CBR4: variants seen among roughly 807,000 people sequenced by gnomAD.
The protein encoded by CBR4 is carbonyl reductase 4, also known as 3-oxoacyl-[acyl-carrier-protein] reductase.
In CBR4, 22 loss-of-function variants were observed where a neutral mutation model predicts 21.0. The observed-to-expected ratio is 1.05, with a 90% CI of 0.75 to 1.50. The LOEUF (loss-of-function observed/expected upper bound fraction) is 1.50, where lower values mean the gene tolerates loss of function less well. CBR4 is among the 40% of genes most tolerant of loss of function. CBR4 has a pLI of 0.00. For synonymous variants in CBR4, 100 were observed against 104.4 expected (o/e 0.96, Z 0.26); for missense variants, 302 against 286.3 (o/e 1.05, Z -0.40).
chr4:168,906,110 T>A (rs1404103729), intron 2 of CBR4, among the ~76,000 whole-genome samples: 1 of 152,148 alleles, frequency 6.6e-6, no homozygotes, highest in Non-Finnish European at 1.5e-5. Context: ...AATCCAAAAT[T>A]TTTCTTCGTG....
At chr4:168,894,498 G>T in intron 3 of CBR4, 1 of 844,276 alleles carries the variant, frequency 1.2e-6, no homozygotes, top group Non-Finnish European at 2.0e-6. Context: ...AAAGTGTGTT[G>T]TTTTTTACTC....
chr4:168,898,817 C>A, intron 2 of CBR4: 1 of 800,092 alleles, frequency 1.2e-6, no homozygotes, highest in Non-Finnish European at 2.2e-6. Flanking sequence ...AATGATCTTT[C>A]TCAATACCCA....
chr4:168,996,705 G>C (rs1765220852), intron 4 of CBR4, among the ~76,000 whole-genome samples: 1 of 151,990 alleles, frequency 6.6e-6, no homozygotes, highest in African/African-American at 2.4e-5. Flanking sequence ...TCTGTCTGTA[G>C]CTTTTTAAAA....
At chr4:168,906,928 T>C (rs1255295850) in intron 2 of CBR4, among the ~76,000 whole-genome samples, 1 of 152,132 alleles carries the variant, frequency 6.6e-6, no homozygotes, top group East Asian at 1.9e-4. Context: ...ATACCAAGAT[T>C]GTAGGGCAAC....
chr4:168,993,212 C>CTTT (rs150721961), intron 4 of CBR4, among the ~76,000 whole-genome samples: 1,509 of 139,386 alleles, frequency 0.011, 16 homozygotes, highest in South Asian at 0.024. Flanking sequence ...ATGTATTTTC[C>CTTT]TTTTTTTTTT....
chr4:168,960,904 A>G (rs1240247866), intron 2 of CBR4, among the ~76,000 whole-genome samples: 1 of 152,218 alleles, frequency 6.6e-6, no homozygotes, highest in Non-Finnish European at 1.5e-5. Flanking sequence ...CAACTCTATA[A>G]GCACAAGCTG....
rs891800604 is a variant in CBR4 at position 169,006,994 on chromosome 4, T to A, written c.264-103A>T. On this transcript the variant is annotated intron_variant, in intron 2 of 4. Coordinates refer to ENST00000306193, the MANE Select transcript of CBR4 (RefSeq NM_032783.5). ...TACTGAGAGTGCAAGAAGTGCTTCC[T>A]ATCTGAGCTAGAATAGCTAGAATAC... The A allele has an allele frequency of 3.4e-6, 3 of 871,952 alleles. No homozygotes were observed. The East Asian group carries it at 7.3e-5, about 21-fold the overall frequency. 54.0% of individuals were successfully genotyped at this position (871,952 alleles called of 1,614,324 possible).
intron 2 of CBR4, among the ~76,000 whole-genome samples, chr4:168,956,022 A>G (rs10023864): frequency 0.69 from 105,093 of 152,044 alleles, 37,687 homozygotes; most frequent in East Asian, 0.96. Context: ...ATAAAATACA[A>G]TCGGCACAGC....
At chr4:168,954,496 C>G (rs1763630180) in intron 2 of CBR4, among the ~76,000 whole-genome samples, 1 of 152,180 alleles carries the variant, frequency 6.6e-6, no homozygotes, top group South Asian at 2.1e-4. Flanking sequence ...CCCTCATAAC[C>G]TAATCACCTC....
Position 168,987,898 on chromosome 4 carries a change from A to C in CBR4, c.*2252T>G. On this transcript the variant is annotated 3_prime_UTR_variant, in exon 5 of 5. Coordinates refer to ENST00000306193, the MANE Select transcript of CBR4 (RefSeq NM_032783.5). ...TGAATAAAATATGAAAAAGAGCACAAATTTTAAAGCCCTCCATGCAAAAAA... is the reference window on the plus strand; with the variant it reads ...TGAATAAAATATGAAAAAGAGCACACATTTTAAAGCCCTCCATGCAAAAAA... 1.0e-6 allele frequency: 1 copy of C among 982,874 alleles called. No homozygotes were observed. The highest frequency in any genetic ancestry group is 1.2e-6 in the Non-Finnish European group (1 of 827,622). The allele number at this position is 982,874 out of a possible 1,614,324, so 60.9% of individuals were successfully genotyped here.
At chr4:168,932,782 C>G (rs1184548816) in intron 2 of CBR4, among the ~76,000 whole-genome samples, 2 of 152,000 alleles carry the variant, frequency 1.3e-5, no homozygotes, top group African/African-American at 2.4e-5. Flanking sequence ...ATTCAATGTA[C>G]TAAAAGAAAA....
At chr4:168,930,507 G>A (rs529290415) in intron 2 of CBR4, among the ~76,000 whole-genome samples, 128 of 152,320 alleles carry the variant, frequency 8.4e-4, no homozygotes, top group Non-Finnish European at 1.2e-3. Context: ...ATTTGACGAG[G>A]AAGGGAAGTT....
At chr4:169,002,882 C>A (rs1195633930) in intron 3 of CBR4, among the ~76,000 whole-genome samples, 4 of 151,924 alleles carry the variant, frequency 2.6e-5, no homozygotes, top group Non-Finnish European at 5.9e-5. Flanking sequence ...AATTTTCATA[C>A]CATCTTAAAT....
chr4:168,937,516 C>G (rs1027192809), intron 2 of CBR4, among the ~76,000 whole-genome samples: 1 of 151,740 alleles, frequency 6.6e-6, no homozygotes, highest in African/African-American at 2.4e-5. Flanking sequence ...CACAGACTGG[C>G]AAACTGGATA....
chr4:168,994,092 G>C (rs1765060300), intron 4 of CBR4, among the ~76,000 whole-genome samples: 1 of 152,318 alleles, frequency 6.6e-6, no homozygotes, highest in East Asian at 1.9e-4. Context: ...TCAGAGCTGA[G>C]AGCCTCAAAC....
intron 4 of CBR4, among the ~76,000 whole-genome samples, chr4:168,996,250 A>G (rs1579004768): frequency 6.6e-6 from 1 of 152,162 alleles, no homozygotes; most frequent in Admixed American, 6.5e-5. Flanking sequence ...CTCTTTGATT[A>G]TGTTATTTTC....
rs905457660 is a variant in CBR4, at chr4:168,989,588, T to C, written c.*562A>G. 5.1e-6 allele frequency: 5 copies of C among 985,382 alleles called. No homozygotes were observed. In the Admixed American group the frequency reaches 2.5e-4, roughly 48 times the overall value. 61.0% of individuals were successfully genotyped at this position (985,382 alleles called of 1,614,324 possible). Reference sequence around the variant, plus strand: ...TGCTAAAGTATTGACAACTAATCAGTGTCCTCTAAATACTCTTATTTTGGC... The same window carrying C: ...TGCTAAAGTATTGACAACTAATCAGCGTCCTCTAAATACTCTTATTTTGGC... On this transcript the variant is annotated 3_prime_UTR_variant, in exon 5 of 5. Coordinates refer to ENST00000306193, the MANE Select transcript of CBR4 (RefSeq NM_032783.5).
At chr4:168,924,928 T>G in intron 2 of CBR4, 3 of 1,614,012 alleles carry the variant, frequency 1.9e-6, no homozygotes, top group Non-Finnish European at 1.7e-6. Flanking sequence ...CCCTAATGAC[T>G]TTATCCTTTT....
chr4:168,970,458 G>A (rs1239579143), intron 2 of CBR4, among the ~76,000 whole-genome samples: 1 of 152,058 alleles, frequency 6.6e-6, no homozygotes, highest in Non-Finnish European at 1.5e-5. Flanking sequence ...ATCCACAAAA[G>A]AACATTTTTT....
Sources: allele counts gnomAD v4.1 joint callset (sites outside exome capture counted in the v4.1 genomes callset), GRCh38; gene constraint gnomAD v4.1.1; transcripts MANE v1.5; gene names NCBI Gene and HGNC (gene_info 2026-07-23, HGNC 2026-07-21).